The following KDM6B variants were observed in gnomAD, a reference collection of about 807,000 sequenced individuals.
KDM6B encodes lysine-specific demethylase 6B.
In KDM6B, 22 loss-of-function variants were observed where a neutral mutation model predicts 150.4. The ratio of observed to expected loss-of-function variants is 0.15; its 90% CI spans 0.10 to 0.21. The LOEUF is 0.21. KDM6B is among the 10% of genes least tolerant of loss of function. The probability of loss-of-function intolerance (pLI) is 1.00; values close to 1 mark genes in which losing one functional copy is unlikely to be tolerated. For synonymous variants in KDM6B, 1,148 were observed against 921.1 expected (o/e 1.25, Z -4.46); for missense variants, 1,984 against 2,234.3 (o/e 0.89, Z 2.26).
chr17:7,847,199 C>G lies in KDM6B; in HGVS notation c.1004C>G (p.Pro335Arg), dbSNP rs780805878. 6 of 1,600,352 alleles carry G rather than the reference C, an allele frequency of 3.7e-6. No homozygotes were observed. Among genetic ancestry groups the G allele is most frequent in the Admixed American group, 3.3e-5 (2 of 59,946 alleles). Residue 335 changes from proline (P) to arginine (R), a missense_variant, in exon 11 of 24, where the codon CCA becomes CGA. Transcript: ENST00000448097. ...CACCGGCTGGTCCCGGCTGCTCCCC[C>G]AGGCCCAGGCCCCCGCCCCCCAGGA... ...PGHRLVPAAP[P>R]GPGPRPPGAE...
At position 7,849,565 on chromosome 17, in the gene KDM6B, C is replaced by T. The variant is rs144716770; in HGVS notation, c.3277C>T (p.Arg1093Cys). 208 of 1,612,756 alleles carry T rather than the reference C, an allele frequency of 1.3e-4. No individual in the cohort carries two copies. Among genetic ancestry groups the T allele is most frequent in the African/African-American group, 6.1e-4 (46 of 75,044 alleles). ...CAGCCGGGCCGACATGCTGAAGCTG[C>T]GCTCACTTAGTGAGGGGCCCCCCAA... is the stretch of plus-strand genomic sequence containing the variant. ...GVSRADMLKL[R>C]SLSEGPPKEL... The change falls in exon 12 of 24, where the codon CGC becomes TGC. Residue 1093 changes from arginine (R) to cysteine (C), a missense_variant. By Grantham distance (180) the Arg-to-Cys change is radical. Transcript: ENST00000448097.
chr17:7,849,540 C>T lies in KDM6B; in HGVS notation c.3252C>T (p.Val1084=). The change falls in exon 12 of 24, where the codon GTC becomes GTT. Residue 1084 remains valine, a synonymous_variant. Transcript: ENST00000448097. ...AGGAAGCCCCAGGGCCACCGGGTGT[C>T]AGCCGGGCCGACATGCTGAAGCTGC... ...AREEAPGPPG[V]SRADMLKLRS... 1.2e-6 allele frequency: 2 copies of T among 1,612,856 alleles called. No individual in the cohort carries two copies. The highest frequency in any genetic ancestry group is 1.7e-6 in the Non-Finnish European group (2 of 1,179,958).
Position 7,839,892 on chromosome 17 carries a change from C to G in KDM6B, c.-387-14C>G, listed in dbSNP as rs1415198090. The stretch of plus-strand genomic sequence containing the variant: ...CTGGAAGACCCCCACCTCTAACTGA[C>G]TTTTTTCTTTTAGGTTCCCCCCAGG... On this transcript the variant is annotated splice_polypyrimidine_tract_variant and intron_variant, in intron 1 of 23. Transcript: ENST00000448097. 2.0e-5 allele frequency: 3 copies of G among 152,534 alleles called. No homozygotes were observed. The highest frequency in any genetic ancestry group is 7.2e-5 in the African/African-American group (3 of 41,420). 9.4% of individuals were successfully genotyped at this position (152,534 alleles called of 1,614,324 possible).
chr17:7,844,314 C>T lies in KDM6B; in HGVS notation c.-268-587C>T, dbSNP rs975667117. 2 of 152,166 alleles carry T rather than the reference C, an allele frequency of 1.3e-5. No homozygotes were observed. Among genetic ancestry groups the T allele is most frequent in the Non-Finnish European group, 2.9e-5 (2 of 68,084 alleles). The allele number at this position is 152,166 out of a possible 1,614,324, so 9.4% of individuals were successfully genotyped here. On this transcript the variant is annotated intron_variant, in intron 2 of 23. Transcript: ENST00000448097. This position sits in a 1 kb window ranked among gnomAD's most constrained non-coding sequence, Gnocchi z 5.9. ...TTTGGGGGTCGGTCGGTATTGAAGACCCAGAAAGCCAGGGGAAGTAGAGGA... is the reference window on the plus strand; with the variant it reads ...TTTGGGGGTCGGTCGGTATTGAAGATCCAGAAAGCCAGGGGAAGTAGAGGA...
In KDM6B at chr17:7,853,309, C is replaced by G; in HGVS notation, c.4837C>G (p.Leu1613Val). The G allele has an allele frequency of 6.3e-7, 1 of 1,597,598 alleles. No individual in the cohort carries two copies. The highest frequency in any genetic ancestry group is 8.5e-7 in the Non-Finnish European group (1 of 1,173,100). ...EGCARRRSAG[L>V]QGVVVLEQYR... ...CTGTGCCCGGCGCCGCAGCGCAGGC[C>G]TGCAGGGCGTGGTGGTGCTGGAGCA... is the stretch of plus-strand genomic sequence containing the variant. The change falls in exon 23 of 24, where the codon CTG becomes GTG. Residue 1613 changes from leucine (L) to valine (V), a missense_variant. Leu to Val is a conservative substitution (Grantham distance 32, BLOSUM62 1). Transcript: ENST00000448097.
At chr17:7,852,729 C>T in intron 21 of KDM6B, 93 bp downstream of exon 21, 3 of 1,547,012 alleles carry the variant, frequency 1.9e-6, no homozygotes, top group Admixed American at 3.3e-5. Context: ...TACCTCTCTC[C>T]ATCCTTGTCT....
At chr17:7,837,292 G>GT (rs2078347158) in intron 1 of KDM6B, among the ~76,000 whole-genome samples, 1 of 152,136 alleles carries the variant, frequency 6.6e-6, no homozygotes, top group Admixed American at 6.5e-5. Flanking sequence ...TAGTATGGGG[G>GT]GGGGTTCACT....
rs1472053157 is a variant in KDM6B at position 7,854,218 on chromosome 17, GC to G, written c.*700del. 1.3e-5 allele frequency: 2 copies of G among 152,314 alleles called. No homozygotes were observed. The highest frequency in any genetic ancestry group is 2.9e-5 in the Non-Finnish European group (2 of 67,994). 9.4% of individuals were successfully genotyped at this position (152,314 alleles called of 1,614,324 possible). A position where few individuals can be genotyped will look rare whatever the true frequency, so the allele number is the denominator to read the frequency against. On this transcript the variant is annotated 3_prime_UTR_variant, in exon 24 of 24. Coordinates refer to ENST00000448097, the MANE Select transcript of KDM6B (RefSeq NM_001348716.2). ...GCGCCCCAGTGTGTGTCCGGGCCCG[GC>G]CCGACCGTCTCCACCCGTCCGCCCG... is the stretch of plus-strand genomic sequence containing the variant.
chr17:7,845,440 G>C lies in KDM6B; in HGVS notation c.-22G>C. ...CCGTGCCCAATCTCCAGGGCTCCTG[G>C]GGCCACTGCTGACCTGGTAAGGGAA... On this transcript the variant is annotated 5_prime_UTR_variant, in exon 4 of 24. Coordinates refer to ENST00000448097, the MANE Select transcript of KDM6B (RefSeq NM_001348716.2). The C allele has an allele frequency of 7.6e-7, 1 of 1,316,970 alleles. No homozygotes were observed. Among genetic ancestry groups the C allele is most frequent in the Non-Finnish European group, 1.1e-6 (1 of 911,702 alleles). 81.6% of individuals were successfully genotyped at this position (1,316,970 alleles called of 1,614,324 possible). A position where few individuals can be genotyped will look rare whatever the true frequency, so the allele number is the denominator to read the frequency against.
rs768669530 is a variant in KDM6B at position 7,849,033 on chromosome 17, A to G, written c.2745A>G (p.Glu915=). 16 of 1,610,246 alleles carry G rather than the reference A, an allele frequency of 9.9e-6. No individual in the cohort carries two copies. The South Asian group carries it at 1.1e-4, about 11-fold the overall frequency. The change falls in exon 12 of 24, where the codon GAA becomes GAG. Residue 915 remains glutamate, a synonymous_variant. Transcript: ENST00000448097. ...CTCGCTCTGAGTCTGAGGTGCTAGA[A>G]GAGATCAGCCGGGCTTGCGAGACCC... The part of the protein sequence containing the change: ...PPARSESEVL[E]EISRACETLV...
At chr17:7,853,182 C>T (rs535594877) in intron 22 of KDM6B, 28 bp from the exon 23 acceptor site, 11 of 1,613,850 alleles carry the variant, frequency 6.8e-6, no homozygotes, top group Non-Finnish European at 9.3e-6. Flanking sequence ...CCTCCCTCCC[C>T]CTGACTGCAC....
At position 7,843,062 on chromosome 17, in the gene KDM6B, A is replaced by C. The variant is rs139305098; in HGVS notation, c.-268-1839A>C. On this transcript the variant is annotated intron_variant, in intron 2 of 23. Coordinates refer to ENST00000448097, the MANE Select transcript of KDM6B (RefSeq NM_001348716.2). This position sits in a 1 kb window ranked among gnomAD's most constrained non-coding sequence, Gnocchi z 4.5. ...GCAGGGAGCTGGAGGGACGGCACTC[A>C]CTGACTTAGGGAAAGCTGAGTCAGT... is the stretch of plus-strand genomic sequence containing the variant. 1.3e-5 allele frequency among the ~76,000 whole-genome samples: 2 copies of C among 151,170 alleles called. No homozygotes were observed. Among genetic ancestry groups the C allele is most frequent in the East Asian group, 3.9e-4 (2 of 5,172 alleles).
chr17:7,839,553 G>C (rs1483918025), intron 1 of KDM6B, among the ~76,000 whole-genome samples: 3 of 152,120 alleles, frequency 2.0e-5, no homozygotes, highest in Non-Finnish European at 4.4e-5. Flanking sequence ...TGCATGCCCT[G>C]GTGCTAGGAC....
chr17:7,848,358 C>G lies in KDM6B; in HGVS notation c.2070C>G (p.Ile690Met). ...DQFEEPAEFK[I>M]LPDGLANIMK... ...TTGAGGAGCCAGCCGAATTCAAGATCCTACCTGATGGGCTGGCCAACATCA... is the reference window on the plus strand; with the variant it reads ...TTGAGGAGCCAGCCGAATTCAAGATGCTACCTGATGGGCTGGCCAACATCA... Residue 690 changes from isoleucine (I) to methionine (M), a missense_variant, in exon 12 of 24, where the codon ATC (isoleucine) becomes ATG (methionine). Coordinates refer to ENST00000448097, the MANE Select transcript of KDM6B (RefSeq NM_001348716.2). The G allele has an allele frequency of 4.3e-6, 7 of 1,612,978 alleles. No individual in the cohort carries two copies. The highest frequency in any genetic ancestry group is 5.9e-6 in the Non-Finnish European group (7 of 1,180,018).
rs770399847 is a variant in KDM6B at position 7,847,610 on chromosome 17, C to T, written c.1322C>T (p.Ser441Leu). The change falls in exon 12 of 24, where the codon TCG becomes TTG. Residue 441 changes from serine to leucine, a missense_variant. By Grantham distance (145) the Ser-to-Leu change is moderately radical (BLOSUM62 -2). Around this residue, in one of 13 missense-constraint regions of KDM6B, gnomAD observed 1,379 missense variants for 1,275.6 expected, o/e 1.08. Transcript: ENST00000448097. ...EVSHHGRLGP[S>L]AHSSRKPFLG... The stretch of plus-strand genomic sequence containing the variant: ...TCTCACCATGGCCGCCTGGGGCCCT[C>T]GGCACACAGCAGTCGGAAACCGTTC... 46 of 1,612,334 alleles carry T rather than the reference C, an allele frequency of 2.9e-5. No individual in the cohort carries two copies. The highest frequency in any genetic ancestry group is 6.7e-5 in the African/African-American group (5 of 74,780).
chr17:7,846,373 C>CGGGGG, intron 7 of KDM6B, 27 bp from the exon 8 acceptor site: 2 of 520,094 alleles, frequency 3.8e-6, no homozygotes, highest in Non-Finnish European at 3.7e-6. Context: ...TGACATCTGC[C>CGGGGG]CCTGCCCCGT....
rs181596082 is a variant in KDM6B, at chr17:7,852,848, C to T, written c.4611-152C>T. On this transcript the variant is annotated intron_variant, in intron 21 of 23. Transcript: ENST00000448097. Reference sequence around the variant, plus strand: ...AAGCCACAGGAAACTTCGCCTATAACAGATGCCCAGGACAGAGGATGTGAC... The same window carrying T: ...AAGCCACAGGAAACTTCGCCTATAATAGATGCCCAGGACAGAGGATGTGAC... The T allele has an allele frequency of 2.3e-4, 298 of 1,274,472 alleles. No individual in the cohort carries two copies. In the East Asian group the frequency reaches 3.6e-3, roughly 15 times the overall value. 78.9% of individuals were successfully genotyped at this position (1,274,472 alleles called of 1,614,324 possible).
Position 7,834,217 on chromosome 17 carries a change from G to A in KDM6B, c.-521G>A, listed in dbSNP as rs2078284355. On this transcript the variant is annotated 5_prime_UTR_variant, in exon 1 of 24. Transcript: ENST00000448097. ...GGGGCTGGGGAGCGGGGGTGCGGGT[G>A]TTTGTGTTGGAAAATCCAACTGCGC... 6.6e-6 allele frequency among the ~76,000 whole-genome samples: 1 copy of A among 151,596 alleles called. No homozygotes were observed.
Position 7,846,201 on chromosome 17 carries a change from G to A in KDM6B, c.360G>A (p.Glu120=). The A allele has an allele frequency of 6.2e-7, 1 of 1,614,160 alleles. No homozygotes were observed. The highest frequency in any genetic ancestry group is 8.5e-7 in the Non-Finnish European group (1 of 1,180,024). The change falls in exon 7 of 24, where the codon GAG becomes GAA. Residue 120 remains glutamate (E), a synonymous_variant. Transcript: ENST00000448097. The part of the protein sequence containing the change: ...WEQLGQLYES[E]HDSEEATRCY... ...AGCTTGGGCAACTGTACGAGTCAGAGCACGATAGTGAGGAGGCCACACGCT... is the reference window on the plus strand; with the variant it reads ...AGCTTGGGCAACTGTACGAGTCAGAACACGATAGTGAGGAGGCCACACGCT...
Sources: allele counts gnomAD v4.1 joint callset (sites outside exome capture counted in the v4.1 genomes callset), GRCh38; gene constraint gnomAD v4.1.1; regional missense constraint gnomAD v4.1.1; non-coding constraint Gnocchi (gnomAD v3.1); transcripts MANE v1.5; gene names NCBI Gene and HGNC (gene_info 2026-07-23, HGNC 2026-07-21).